Variants in TMEM163 observed in about 807,000 individuals in gnomAD.
TMEM163 encodes transmembrane protein 163.
TMEM163 carries 17 observed loss-of-function variants against 29.3 expected under a neutral mutation model. The observed-to-expected ratio is 0.58, with a 90% CI of 0.40 to 0.87. The LOEUF (loss-of-function observed/expected upper bound fraction) is 0.87, where lower values mean the gene tolerates loss of function less well. Among genes scored for constraint, TMEM163 ranks in the 40% least tolerant of loss-of-function variants. TMEM163 has a pLI of 0.00. For missense variants in TMEM163, 303 were observed against 381.5 expected (o/e 0.79, Z 1.71); for synonymous variants, 157 against 160.6 (o/e 0.98, Z 0.17).
intron 7 of TMEM163, 113 bp downstream of exon 7, chr2:134,457,919 C>G: frequency 6.6e-7 from 1 of 1,526,214 alleles, no homozygotes; most frequent in South Asian, 1.2e-5. Context: ...TCAGGAGGGG[C>G]ACAGGTACAA....
intron 2 of TMEM163, among the ~76,000 whole-genome samples, chr2:134,592,865 T>C (rs1681968744): frequency 6.7e-6 from 1 of 149,036 alleles, no homozygotes. Context: ...CAGATATTAA[T>C]ATAGAGATAG....
At chr2:134,473,545 A>G (rs953464594) in intron 5 of TMEM163, among the ~76,000 whole-genome samples, 1 of 151,968 alleles carries the variant, frequency 6.6e-6, no homozygotes, top group Non-Finnish European at 1.5e-5. Flanking sequence ...CAAAAAAAAA[A>G]AAAAGAAAAA....
intron 2 of TMEM163, among the ~76,000 whole-genome samples, chr2:134,677,965 A>G (rs1163857344): frequency 6.6e-6 from 1 of 152,202 alleles, no homozygotes; most frequent in East Asian, 1.9e-4. Context: ...TCCACGTTCC[A>G]GTAAGCCCAC....
chr2:134,561,710 T>C (rs1681187707), intron 2 of TMEM163, among the ~76,000 whole-genome samples: 1 of 152,172 alleles, frequency 6.6e-6, no homozygotes, highest in South Asian at 2.1e-4. Context: ...AGCAGAGCTA[T>C]CAAGTAAGCC....
chr2:134,560,077 C>G (rs942746760), intron 2 of TMEM163, among the ~76,000 whole-genome samples: 2 of 152,064 alleles, frequency 1.3e-5, no homozygotes, highest in Non-Finnish European at 2.9e-5. Flanking sequence ...AACAAGCTTA[C>G]TCCAGGGATC....
chr2:134,536,231 ATT>A (rs34515003), intron 4 of TMEM163, among the ~76,000 whole-genome samples: 5 of 151,602 alleles, frequency 3.3e-5, no homozygotes, highest in East Asian at 1.9e-4. Flanking sequence ...CTAAAACACC[ATT>A]TTTTTTGCCT....
chr2:134,543,662 G>A (rs1429689084), intron 4 of TMEM163, among the ~76,000 whole-genome samples: 1 of 152,228 alleles, frequency 6.6e-6, no homozygotes, highest in Non-Finnish European at 1.5e-5. Flanking sequence ...GTTTCCAAAA[G>A]CAGCAAGGGT....
intron 4 of TMEM163, among the ~76,000 whole-genome samples, chr2:134,525,637 T>C (rs775065261): frequency 3.9e-5 from 6 of 152,200 alleles, no homozygotes; most frequent in South Asian, 2.1e-4. Flanking sequence ...AAGTTTACTA[T>C]AGTTTGGAAC....
At chr2:134,616,081 G>C (rs940935798) in intron 2 of TMEM163, among the ~76,000 whole-genome samples, 2 of 152,182 alleles carry the variant, frequency 1.3e-5, no homozygotes, top group African/African-American at 4.8e-5. Flanking sequence ...GTAAAGCAAT[G>C]GCTACCAAGA....
At chr2:134,676,296 A>G (rs1684113865) in intron 2 of TMEM163, among the ~76,000 whole-genome samples, 1 of 152,154 alleles carries the variant, frequency 6.6e-6, no homozygotes, top group South Asian at 2.1e-4. Flanking sequence ...GTAGCCCTCC[A>G]TCCTTTCTCA....
intron 2 of TMEM163, among the ~76,000 whole-genome samples, chr2:134,673,078 A>T (rs1402484031): frequency 6.6e-6 from 1 of 152,102 alleles, no homozygotes; most frequent in Non-Finnish European, 1.5e-5. Context: ...CATAAACCCC[A>T]TTGTTATCTG....
intron 2 of TMEM163, among the ~76,000 whole-genome samples, chr2:134,599,474 C>A (rs1156795092): frequency 6.6e-6 from 1 of 152,036 alleles, no homozygotes; most frequent in Non-Finnish European, 1.5e-5. Flanking sequence ...TGGGAGGATA[C>A]AATGAGAAGA....
At chr2:134,718,279 T>C (rs1353957680) in intron 1 of TMEM163, among the ~76,000 whole-genome samples, 2 of 152,058 alleles carry the variant, frequency 1.3e-5, no homozygotes, top group Non-Finnish European at 2.9e-5. Context: ...ATCTCGCGGC[T>C]ACACCCGCAG....
At chr2:134,503,740 G>T (rs1016121578) in intron 4 of TMEM163, among the ~76,000 whole-genome samples, 24 of 152,084 alleles carry the variant, frequency 1.6e-4, no homozygotes, top group African/African-American at 5.6e-4. Flanking sequence ...GAGCAGGTGT[G>T]CAGTGAGGCC....
intron 2 of TMEM163, among the ~76,000 whole-genome samples, chr2:134,650,156 T>C (rs1412704038): frequency 6.6e-6 from 1 of 152,074 alleles, no homozygotes; most frequent in Non-Finnish European, 1.5e-5. Context: ...TGTACTATAT[T>C]ATATATGCTT....
intron 5 of TMEM163, among the ~76,000 whole-genome samples, chr2:134,496,408 C>T (rs1679562037): frequency 6.6e-6 from 1 of 152,150 alleles, no homozygotes; most frequent in Admixed American, 6.5e-5. Context: ...CAGTTTTGCT[C>T]AGGAGCATGG....
intron 2 of TMEM163, among the ~76,000 whole-genome samples, chr2:134,704,652 T>G (rs1684769364): frequency 6.6e-6 from 1 of 151,976 alleles, no homozygotes; most frequent in South Asian, 2.1e-4. Context: ...CCTACGAAAA[T>G]TCCAAACACA....
intron 4 of TMEM163, among the ~76,000 whole-genome samples, chr2:134,526,657 C>A (rs987408825): frequency 1.7e-4 from 26 of 152,136 alleles, no homozygotes; most frequent in African/African-American, 6.3e-4. Context: ...AAAGTCTCTC[C>A]AACTAGATTA....
At chr2:134,558,974 T>A (rs1483972051) in intron 2 of TMEM163, among the ~76,000 whole-genome samples, 1 of 152,212 alleles carries the variant, frequency 6.6e-6, no homozygotes, top group East Asian at 1.9e-4. Flanking sequence ...TGGAGAACCA[T>A]CTTTCCATCA....
Sources: gnomAD v4.1 joint callset for allele counts (sites outside exome capture counted in the v4.1 genomes callset) on GRCh38, gnomAD v4.1.1 for gene constraint, MANE v1.5 for transcripts, NCBI Gene and HGNC (gene_info 2026-07-23, HGNC 2026-07-21) for gene names.